The following TAF12 variants were observed in gnomAD, a reference collection of about 807,000 sequenced individuals.
TAF12 encodes TATA-box binding protein associated factor 12, also known as transcription initiation factor TFIID subunit 12.
In TAF12, 3 loss-of-function variants were observed where a neutral mutation model predicts 20.8. The ratio of observed to expected loss-of-function variants is 0.14; its 90% confidence interval spans 0.07 to 0.37. The LOEUF (loss-of-function observed/expected upper bound fraction) is 0.37. Among genes scored for constraint, TAF12 ranks in the 10% least tolerant of loss-of-function variants. The pLI is 1.00. For missense variants in TAF12, 131 were observed against 197.9 expected (o/e 0.66, Z 2.03); for synonymous variants, 69 against 70.2 (o/e 0.98, Z 0.09).
chr1:28,637,516 A>G (rs1336436255), intron 1 of TAF12, among the ~76,000 whole-genome samples: 4 of 151,886 alleles, frequency 2.6e-5, no homozygotes, highest in Non-Finnish European at 4.4e-5. Flanking sequence ...AATACAAAAA[A>G]TAGCCGGGCA....
chr1:28,628,199 C>CA (rs1334955640), intron 1 of TAF12, among the ~76,000 whole-genome samples: 2 of 116,400 alleles, frequency 1.7e-5, no homozygotes, highest in Non-Finnish European at 3.3e-5. Flanking sequence ...TAAAAAAATG[C>CA]AAAAATTAGC....
intron 1 of TAF12, among the ~76,000 whole-genome samples, chr1:28,638,591 T>C (rs1026522927): frequency 2.0e-5 from 3 of 151,252 alleles, no homozygotes; most frequent in South Asian, 2.1e-4. Context: ...GTTCCAGCGA[T>C]TGTCCTGCCT....
intron 1 of TAF12, among the ~76,000 whole-genome samples, chr1:28,636,855 C>T (rs1234962521): frequency 6.6e-6 from 1 of 152,018 alleles, no homozygotes; most frequent in Admixed American, 6.6e-5. Flanking sequence ...CATGTATAAT[C>T]CCAGCTACTA....
chr1:28,615,678 CAAAAAAA>C (rs57536422), intron 3 of TAF12, among the ~76,000 whole-genome samples: 34 of 34,502 alleles, frequency 9.9e-4, no homozygotes, highest in African/African-American at 4.3e-3. Flanking sequence ...GACTCCGTCT[CAAAAAAA>C]AAAAAAAAAA....
intron 4 of TAF12, 116 bp downstream of exon 4, chr1:28,613,131 A>C (rs550418168): frequency 8.4e-6 from 6 of 711,388 alleles, no homozygotes; most frequent in African/African-American, 1.8e-5. Flanking sequence ...ATTAATACAT[A>C]AATCCCAGTG....
At chr1:28,613,874 G>A (rs1467498465) in intron 3 of TAF12, among the ~76,000 whole-genome samples, 4 of 152,086 alleles carry the variant, frequency 2.6e-5, no homozygotes, top group African/African-American at 7.2e-5. Flanking sequence ...TTGGGAAGCC[G>A]AGTTGGGAGG....
At chr1:28,645,836 G>T (rs548050383), upstream of TAF12, among the ~76,000 whole-genome samples, 3 of 151,550 alleles carry the variant, frequency 2.0e-5, no homozygotes, top group African/African-American at 7.3e-5. Context: ...GTGTAGTGGC[G>T]CGTGCCTGTA....
chr1:28,635,057 T>C (rs112372648), intron 1 of TAF12, among the ~76,000 whole-genome samples: 10 of 148,026 alleles, frequency 6.8e-5, no homozygotes, highest in African/African-American at 2.2e-4. Context: ...ACCTCACCTC[T>C]ACTAAAAAAA....
chr1:28,623,529 A>G (rs532383146), intron 1 of TAF12, among the ~76,000 whole-genome samples: 1 of 151,982 alleles, frequency 6.6e-6, no homozygotes, highest in African/African-American at 2.4e-5. Flanking sequence ...AATAAGCAAG[A>G]CATTTTTGAG....
At chr1:28,640,313 C>G (rs1395849281) in intron 1 of TAF12, among the ~76,000 whole-genome samples, 2 of 152,120 alleles carry the variant, frequency 1.3e-5, no homozygotes, top group Non-Finnish European at 1.5e-5. Context: ...TGTTATAGTC[C>G]TTGACATTTA....
At chr1:28,634,187 A>G (rs1440443235) in intron 1 of TAF12, among the ~76,000 whole-genome samples, 1 of 151,216 alleles carries the variant, frequency 6.6e-6, no homozygotes, top group Non-Finnish European at 1.5e-5. Flanking sequence ...AGGCTGAAGC[A>G]GGTGGATCAC....
At chr1:28,630,333 G>T (rs1667573468) in intron 1 of TAF12, among the ~76,000 whole-genome samples, 1 of 152,160 alleles carries the variant, frequency 6.6e-6, no homozygotes, top group South Asian at 2.1e-4. Context: ...GAGGCGGGCA[G>T]ATCATGAGGT....
chr1:28,638,787 ATTTTTTT>A (rs759099050), intron 1 of TAF12, among the ~76,000 whole-genome samples: 100 of 101,834 alleles, frequency 9.8e-4, no homozygotes, highest in Non-Finnish European at 1.6e-3. Context: ...CACCTGGCCT[ATTTTTTT>A]TTTTTTTTTT....
At chr1:28,606,825 G>A (rs1007878979) in intron 4 of TAF12, among the ~76,000 whole-genome samples, 6 of 152,184 alleles carry the variant, frequency 3.9e-5, no homozygotes, top group Non-Finnish European at 5.9e-5. Flanking sequence ...GCTGTATGAC[G>A]CTGGCTCCCA....
chr1:28,616,800 T>C (rs1177898580), intron 3 of TAF12, among the ~76,000 whole-genome samples: 1 of 151,884 alleles, frequency 6.6e-6, no homozygotes. Flanking sequence ...AAAATTCTCA[T>C]CTACCATAAT....
intron 1 of TAF12, among the ~76,000 whole-genome samples, chr1:28,626,151 G>A (rs1022669907): frequency 2.4e-4 from 36 of 151,468 alleles, no homozygotes; most frequent in African/African-American, 6.3e-4. Context: ...GCAGATTTTT[G>A]TATTTTTAGT....
chr1:28,617,837 C>T, intron 3 of TAF12, 116 bp downstream of exon 3: 1 of 990,506 alleles, frequency 1.0e-6, no homozygotes, highest in East Asian at 2.4e-5. Flanking sequence ...CAGCAATCCT[C>T]CTGCTTTGGT....
chr1:28,628,229 G>GGA (rs1553129134), intron 1 of TAF12, among the ~76,000 whole-genome samples: 1 of 15,754 alleles, frequency 6.3e-5, no homozygotes, highest in African/African-American at 2.1e-4. Context: ...TGCAGGGGGT[G>GGA]GGGGGGGGGG....
chr1:28,603,604 C>G, intron 5 of TAF12, 30 bp from the exon 6 acceptor site: 2 of 1,613,084 alleles, frequency 1.2e-6, no homozygotes, highest in South Asian at 2.2e-5. Context: ...AGCAGTTATA[C>G]AGCAGCAGCT....
Sources: allele counts gnomAD v4.1 joint callset (sites outside exome capture counted in the v4.1 genomes callset), GRCh38; gene constraint gnomAD v4.1.1; transcripts MANE v1.5; gene names NCBI Gene and HGNC (gene_info 2026-07-23, HGNC 2026-07-21).